ENAH: variants seen among roughly 807,000 people sequenced by gnomAD.
ENAH encodes the protein protein enabled homolog.
Under a neutral mutation model 78.7 loss-of-function variants are expected in ENAH, and 23 were observed. The ratio of observed to expected loss-of-function variants is 0.29; its 90% CI spans 0.21 to 0.41. The LOEUF (loss-of-function observed/expected upper bound fraction) is 0.41. Among genes scored for constraint, ENAH ranks in the 10% least tolerant of loss-of-function variants. ENAH has a pLI of 1.00. For missense variants in ENAH, 544 were observed against 691.0 expected (o/e 0.79, Z 2.39); for synonymous variants, 226 against 241.0 (o/e 0.94, Z 0.58).
chr1:225,652,216 G>A, intron 1 of ENAH: 1 of 542,988 alleles, frequency 1.8e-6, no homozygotes, highest in South Asian at 7.9e-5. Context: ...TTTATTACCC[G>A]CAGAGATTTC....
At chr1:225,552,926 T>C (rs1376792203) in intron 3 of ENAH, among the ~76,000 whole-genome samples, 2 of 152,130 alleles carry the variant, frequency 1.3e-5, no homozygotes, top group African/African-American at 2.4e-5. Context: ...GATTCATTAA[T>C]TTGAAAAGAT....
At chr1:225,512,453 T>A (rs1280600280) in intron 9 of ENAH, among the ~76,000 whole-genome samples, 2 of 152,240 alleles carry the variant, frequency 1.3e-5, no homozygotes, top group African/African-American at 2.4e-5. Flanking sequence ...TAATTTCACA[T>A]ATTCAACTCA....
intron 3 of ENAH, among the ~76,000 whole-genome samples, chr1:225,554,071 CA>C (rs2096654610): frequency 6.6e-6 from 1 of 152,108 alleles, no homozygotes; most frequent in South Asian, 2.1e-4. Context: ...AACAAAGTAT[CA>C]AATTTTCATC....
chr1:225,512,005 T>TA, intron 9 of ENAH, 146 bp from the exon 10 acceptor site: 1 of 533,344 alleles, frequency 1.9e-6, no homozygotes, highest in Non-Finnish European at 3.3e-6. Flanking sequence ...CATTTCAGCT[T>TA]AGACTTTCTT....
At chr1:225,624,902 C>T (rs536270054) in intron 1 of ENAH, among the ~76,000 whole-genome samples, 14 of 152,280 alleles carry the variant, frequency 9.2e-5, no homozygotes, top group African/African-American at 2.9e-4. Context: ...ATCACTGCAT[C>T]ACCAAATAAG....
At chr1:225,515,091 T>C (rs2096407454) in intron 6 of ENAH, 191 bp from the exon 7 acceptor site, 2 of 585,360 alleles carry the variant, frequency 3.4e-6, no homozygotes, top group African/African-American at 2.0e-5. Flanking sequence ...TCCAAGTATA[T>C]ATAACTACTT....
chr1:225,583,525 A>G, intron 1 of ENAH, among the ~76,000 whole-genome samples: 1 of 151,756 alleles, frequency 6.6e-6, no homozygotes, highest in East Asian at 1.9e-4. Context: ...AATGAAGAGC[A>G]TTAGGCTGGG....
chr1:225,651,444 GA>G (rs558015376), intron 1 of ENAH, among the ~76,000 whole-genome samples: 29 of 152,190 alleles, frequency 1.9e-4, no homozygotes, highest in African/African-American at 5.5e-4. Flanking sequence ...CCGAAATTGA[GA>G]AAGAATTCCA....
At chr1:225,541,264 C>G (rs1430054865) in intron 3 of ENAH, among the ~76,000 whole-genome samples, 1 of 143,920 alleles carries the variant, frequency 6.9e-6, no homozygotes. Context: ...GAAACTCCGT[C>G]TCTACTAAAA....
At chr1:225,501,172 A>G (rs994005431) in intron 11 of ENAH, 102 bp from the exon 12 acceptor site, 3 of 803,820 alleles carry the variant, frequency 3.7e-6, no homozygotes, top group East Asian at 5.5e-5. Flanking sequence ...ATTTAAATAC[A>G]TTTCTTTAAA....
chr1:225,504,309 T>G (rs1308124029), intron 11 of ENAH, among the ~76,000 whole-genome samples: 1 of 152,094 alleles, frequency 6.6e-6, no homozygotes, highest in Non-Finnish European at 1.5e-5. Flanking sequence ...AGGTGCTGGG[T>G]CAGTTTTTAT....
At chr1:225,572,831 C>T (rs192887357) in intron 1 of ENAH, among the ~76,000 whole-genome samples, 1 of 152,230 alleles carries the variant, frequency 6.6e-6, no homozygotes, top group African/African-American at 2.4e-5. Context: ...ATTTTTATGA[C>T]CCAGTGCAAT....
chr1:225,557,356 CAT>C (rs1368673486), intron 2 of ENAH, among the ~76,000 whole-genome samples: 13 of 152,250 alleles, frequency 8.5e-5, no homozygotes, highest in Admixed American at 6.5e-5. Flanking sequence ...AATACACAAT[CAT>C]GTGATCGGCA....
intron 4 of ENAH, among the ~76,000 whole-genome samples, chr1:225,529,568 C>A (rs1278099362): frequency 6.6e-6 from 1 of 152,128 alleles, no homozygotes; most frequent in Non-Finnish European, 1.5e-5. Flanking sequence ...TATACCATGT[C>A]ATGTTTATTG....
At chr1:225,536,311 G>A (rs1053161030) in intron 3 of ENAH, among the ~76,000 whole-genome samples, 1 of 151,962 alleles carries the variant, frequency 6.6e-6, no homozygotes. Context: ...TCAATGAGAA[G>A]GTGATGATCT....
rs1399800128 is a variant in ENAH at position 225,489,370 on chromosome 1, C to T, written c.*8405G>A. 3.9e-5 allele frequency: 6 copies of T among 152,172 alleles called. No homozygotes were observed. The highest frequency in any genetic ancestry group is 1.4e-4 in the African/African-American group (6 of 41,422). The allele number at this position is 152,172 out of a possible 1,614,324, so 9.4% of individuals were successfully genotyped here. A position where few individuals can be genotyped will look rare whatever the true frequency, so the allele number is the denominator to read the frequency against. ...GCACGTGGCGCAGAGGAAACTGACA[C>T]AGAACAGCACACCACTGGTGCTTTA... On this transcript the variant is annotated 3_prime_UTR_variant, in exon 14 of 14. Coordinates refer to ENST00000366843, the MANE Select transcript of ENAH (RefSeq NM_018212.6).
intron 1 of ENAH, among the ~76,000 whole-genome samples, chr1:225,594,388 A>G (rs557267654): frequency 2.0e-5 from 3 of 152,284 alleles, no homozygotes; most frequent in Non-Finnish European, 4.4e-5. Context: ...TGATTGTCAA[A>G]TAAGAAAATC....
At chr1:225,567,192 G>C in intron 2 of ENAH, 57 bp downstream of exon 2, 1 of 1,562,324 alleles carries the variant, frequency 6.4e-7, no homozygotes, top group Non-Finnish European at 8.7e-7. Context: ...TACGGAATAT[G>C]CCAAGTCCTT....
At chr1:225,631,543 C>T (rs966729946) in intron 1 of ENAH, among the ~76,000 whole-genome samples, 2 of 146,114 alleles carry the variant, frequency 1.4e-5, no homozygotes, top group African/African-American at 5.2e-5. Flanking sequence ...CACTACACTC[C>T]AGCCTGAGTG....
Sources: gnomAD v4.1 joint callset for allele counts (sites outside exome capture counted in the v4.1 genomes callset) on GRCh38, gnomAD v4.1.1 for gene constraint, MANE v1.5 for transcripts, NCBI Gene and HGNC (gene_info 2026-07-23, HGNC 2026-07-21) for gene names.